Variants in EYS observed in about 807,000 individuals in gnomAD.
EYS encodes the protein protein eyes shut homolog.
A neutral mutation model predicts 282.1 loss-of-function variants in EYS; 250 were observed. The observed-to-expected ratio is 0.89, with a 90% confidence interval of 0.80 to 0.98. EYS has a LOEUF of 0.98. Among genes scored for constraint, EYS ranks in the 50% least tolerant of loss-of-function variants. EYS has a pLI of 0.00. For missense variants in EYS, 4,016 were observed against 3,709.0 expected (o/e 1.08, Z -2.15); for synonymous variants, 1,355 against 1,282.9 (o/e 1.06, Z -1.20).
At chr6:65,545,651 T>G (rs966022907) in intron 2 of EYS, among the ~76,000 whole-genome samples, 10 of 152,114 alleles carry the variant, frequency 6.6e-5, no homozygotes, top group African/African-American at 2.2e-4. Flanking sequence ...TAAAGAAGTA[T>G]CAAATCAATT....
At chr6:65,298,025 G>C (rs1349868911) in intron 11 of EYS, among the ~76,000 whole-genome samples, 5 of 152,022 alleles carry the variant, frequency 3.3e-5, no homozygotes, top group East Asian at 1.9e-4. Flanking sequence ...TCATAATGCT[G>C]TTTGTTATTC....
chr6:63,804,545 G>T (rs771737688), intron 37 of EYS, among the ~76,000 whole-genome samples: 15 of 152,270 alleles, frequency 9.9e-5, no homozygotes, highest in Middle Eastern at 3.4e-3. Context: ...TCCTGTCAAG[G>T]CTGAGGAAAA....
chr6:64,632,838 T>G (rs1295979253), intron 22 of EYS, among the ~76,000 whole-genome samples: 3 of 152,148 alleles, frequency 2.0e-5, no homozygotes, highest in Non-Finnish European at 4.4e-5. Context: ...TTTCAGTATT[T>G]TTATTACTAT....
chr6:64,451,749 C>A (rs373117864), intron 26 of EYS, among the ~76,000 whole-genome samples: 6 of 152,084 alleles, frequency 3.9e-5, no homozygotes, highest in African/African-American at 1.2e-4. Context: ...ACAGAACCAA[C>A]GACAAAAACC....
intron 22 of EYS, among the ~76,000 whole-genome samples, chr6:64,633,543 C>T (rs1356344606): frequency 6.7e-6 from 1 of 150,290 alleles, no homozygotes; most frequent in Non-Finnish European, 1.5e-5. Context: ...AATAAGAATG[C>T]ATTATTTAGC....
At chr6:65,562,478 T>C (rs956405233) in intron 2 of EYS, among the ~76,000 whole-genome samples, 1 of 151,922 alleles carries the variant, frequency 6.6e-6, no homozygotes, top group African/African-American at 2.4e-5. Flanking sequence ...ATGGAAAGAA[T>C]GAAATAAGTG....
At chr6:64,181,642 T>C (rs191888154) in intron 31 of EYS, among the ~76,000 whole-genome samples, 1 of 152,136 alleles carries the variant, frequency 6.6e-6, no homozygotes, top group Non-Finnish European at 1.5e-5. Context: ...ATTAGATTAC[T>C]TAATTATCAG....
intron 1 of EYS, among the ~76,000 whole-genome samples, chr6:65,665,644 G>A (rs984654095): frequency 4.6e-5 from 7 of 152,012 alleles, no homozygotes; most frequent in African/African-American, 9.7e-5. Flanking sequence ...GTAAAAATGT[G>A]TGAAGGTGTC....
intron 28 of EYS, 42 bp downstream of exon 28, chr6:64,436,132 G>T: frequency 8.3e-7 from 1 of 1,201,714 alleles, no homozygotes; most frequent in Non-Finnish European, 1.2e-6. Context: ...GATAGCCTTT[G>T]CTACTTAATG....
intron 30 of EYS, among the ~76,000 whole-genome samples, chr6:64,243,325 C>A (rs139487486): frequency 0.01 from 1,594 of 152,196 alleles, 11 homozygotes; most frequent in Non-Finnish European, 0.017. Context: ...TGTCAGCTCC[C>A]AAATCTCAGT....
intron 22 of EYS, among the ~76,000 whole-genome samples, chr6:64,785,976 TTGTG>T (rs1774004526): frequency 6.6e-6 from 1 of 152,168 alleles, no homozygotes; most frequent in Non-Finnish European, 1.5e-5. Context: ...AGAATTCCTG[TTGTG>T]TGTATCTTAT....
At chr6:64,197,127 C>T (rs1378086500) in intron 31 of EYS, among the ~76,000 whole-genome samples, 2 of 152,088 alleles carry the variant, frequency 1.3e-5, no homozygotes, top group Non-Finnish European at 2.9e-5. Context: ...TTGTTGGCTT[C>T]AAATTATTTT....
intron 11 of EYS, among the ~76,000 whole-genome samples, chr6:65,324,681 T>G (rs1466677763): frequency 6.6e-6 from 1 of 152,186 alleles, no homozygotes. Context: ...ATGAGACCAT[T>G]TGATTGTACA....
At chr6:64,643,328 CA>C (rs2149872796) in intron 22 of EYS, among the ~76,000 whole-genome samples, 1 of 152,186 alleles carries the variant, frequency 6.6e-6, no homozygotes, top group African/African-American at 2.4e-5. Context: ...AATTTTACAC[CA>C]ACCCAATACT....
In EYS at chr6:64,206,994, G is replaced by T. The variant is rs139478535; in HGVS notation, c.6424+23598C>A. ...CCTCCCACCTTCCACCCCGTAATAG[G>T]CCCCAGTGCGTGTTGTTCTCCTCTA... On this transcript the variant is annotated intron_variant, in intron 31 of 42. Coordinates refer to ENST00000503581, the MANE Select transcript of EYS (RefSeq NM_001142800.2). Among the ~76,000 whole-genome samples, 399 of 151,986 alleles carry T rather than the reference G, an allele frequency of 2.6e-3. 2 individuals carry two copies. Among genetic ancestry groups the T allele is most frequent in the African/African-American group, 9.2e-3 (380 of 41,442 alleles).
chr6:65,170,115 C>T (rs1485723443), intron 12 of EYS, among the ~76,000 whole-genome samples: 2 of 151,444 alleles, frequency 1.3e-5, no homozygotes, highest in Admixed American at 6.6e-5. Flanking sequence ...ATTTAGAGAA[C>T]AGCTAAATAA....
chr6:63,808,974 C>T (rs1001319307), intron 36 of EYS, among the ~76,000 whole-genome samples: 1 of 152,132 alleles, frequency 6.6e-6, no homozygotes. Context: ...ACATAGGCAG[C>T]TCACATTCTA....
chr6:65,648,300 G>C lies in EYS; in HGVS notation c.-447-8408C>G, dbSNP rs1257965101. Among the ~76,000 whole-genome samples the C allele has an allele frequency of 3.5e-5, 5 of 142,148 alleles. No homozygotes were observed. In the South Asian group the frequency reaches 1.1e-3, roughly 32 times the overall value. The allele number at this position is 142,148 out of a possible 152,430, so 93.3% of individuals were successfully genotyped here. On this transcript the variant is annotated intron_variant, in intron 1 of 42. Transcript: ENST00000503581. ...CCAAATGTCCATCAATCAATGAGTG[G>C]ATAAAGAAAATATATGTGTGTGTGT... is the stretch of plus-strand genomic sequence containing the variant.
At chr6:63,852,749 C>A (rs1012107472) in intron 36 of EYS, among the ~76,000 whole-genome samples, 1 of 152,188 alleles carries the variant, frequency 6.6e-6, no homozygotes, top group Non-Finnish European at 1.5e-5. Flanking sequence ...TACTAGCTAA[C>A]TGAATCCAGT....
Sources: gnomAD v4.1 joint callset for allele counts (sites outside exome capture counted in the v4.1 genomes callset) on GRCh38, gnomAD v4.1.1 for gene constraint, MANE v1.5 for transcripts, NCBI Gene and HGNC (gene_info 2026-07-23, HGNC 2026-07-21) for gene names.